The following PREP variants were observed in gnomAD, a reference collection of about 807,000 sequenced individuals.
The protein encoded by PREP is dJ355L5.1 (prolyl endopeptidase).
A neutral mutation model predicts 87.6 loss-of-function variants in PREP; 29 were observed. The ratio of observed to expected loss-of-function variants is 0.33; its 90% CI spans 0.25 to 0.45. The LOEUF (loss-of-function observed/expected upper bound fraction) is 0.45, where lower values mean the gene tolerates loss of function less well. PREP is among the 20% of genes least tolerant of loss of function. The probability of loss-of-function intolerance (pLI) is 1.00; values close to 1 mark genes in which losing one functional copy is unlikely to be tolerated. For missense variants in PREP, 695 were observed against 886.5 expected, an observed-to-expected ratio of 0.78 and a Z score of 2.74; for synonymous variants, 337 against 328.6, an observed-to-expected ratio of 1.03 and a Z score of -0.28.
intron 2 of PREP, among the ~76,000 whole-genome samples, chr6:105,396,975 G>A (rs1300069384): frequency 6.6e-6 from 1 of 152,074 alleles, no homozygotes; most frequent in East Asian, 1.9e-4. Context: ...CTTGAGGCCA[G>A]GAGTTCGAGA....
At chr6:105,292,934 T>C (rs906366659) in intron 10 of PREP, among the ~76,000 whole-genome samples, 1 of 152,220 alleles carries the variant, frequency 6.6e-6, no homozygotes, top group Non-Finnish European at 1.5e-5. Context: ...TCACCTCTCT[T>C]AGTCTTCACA....
intron 7 of PREP, among the ~76,000 whole-genome samples, chr6:105,338,016 T>G (rs931394722): frequency 1.3e-5 from 2 of 152,118 alleles, no homozygotes; most frequent in East Asian, 3.9e-4. Flanking sequence ...AAATCCCCAT[T>G]CCTTAAAAGA....
chr6:105,398,496 C>T (rs148134690), intron 1 of PREP, among the ~76,000 whole-genome samples: 1 of 152,308 alleles, frequency 6.6e-6, no homozygotes, highest in East Asian at 1.9e-4. Flanking sequence ...AATGGCAAAA[C>T]ATTTTAAAAC....
At chr6:105,331,229 G>A (rs1465942256) in intron 8 of PREP, among the ~76,000 whole-genome samples, 1 of 152,074 alleles carries the variant, frequency 6.6e-6, no homozygotes, top group Non-Finnish European at 1.5e-5. Context: ...AAATTGATGA[G>A]TTCTAGTGAA....
chr6:105,383,878 T>C (rs548441256), intron 2 of PREP, among the ~76,000 whole-genome samples: 8 of 152,276 alleles, frequency 5.3e-5, no homozygotes, highest in African/African-American at 1.4e-4. Context: ...AGAGGTGATT[T>C]GCACCTCAAA....
chr6:105,299,231 C>A (rs1770480082), intron 10 of PREP, among the ~76,000 whole-genome samples: 1 of 152,240 alleles, frequency 6.6e-6, no homozygotes, highest in Non-Finnish European at 1.5e-5. Context: ...GAGAGGTTGT[C>A]ACTCCAGGCT....
chr6:105,388,549 T>C (rs913386332), intron 2 of PREP, among the ~76,000 whole-genome samples: 12 of 152,282 alleles, frequency 7.9e-5, no homozygotes, highest in African/African-American at 2.9e-4. Context: ...AGCAACTTCC[T>C]CATACTTTTG....
At chr6:105,319,479 C>T (rs184830404) in intron 10 of PREP, among the ~76,000 whole-genome samples, 2 of 152,300 alleles carry the variant, frequency 1.3e-5, no homozygotes, top group East Asian at 3.9e-4. Flanking sequence ...TGATGAAACA[C>T]TGAGGAATCA....
intron 2 of PREP, among the ~76,000 whole-genome samples, chr6:105,394,032 C>T (rs1243729135): frequency 2.0e-5 from 3 of 151,486 alleles, no homozygotes; most frequent in Admixed American, 1.3e-4. Context: ...CTACAAGTGG[C>T]TAGTGGTTAT....
rs1460277093 is a variant in PREP at position 105,275,268 on chromosome 6, G to C, written c.*2876C>G. On this transcript the variant is annotated 3_prime_UTR_variant, in exon 15 of 15. Coordinates refer to ENST00000652536, the MANE Select transcript of PREP (RefSeq NM_002726.5). ...AAAACTGACAAACCTTGAGAGACTGGTGACAGGCTTCCTTAGTTGAAACTT... is the reference window on the plus strand; with the variant it reads ...AAAACTGACAAACCTTGAGAGACTGCTGACAGGCTTCCTTAGTTGAAACTT... 1.3e-5 allele frequency among the ~76,000 whole-genome samples: 2 copies of C among 152,226 alleles called. No homozygotes were observed. Among genetic ancestry groups the C allele is most frequent in the Non-Finnish European group, 2.9e-5 (2 of 68,034 alleles).
chr6:105,389,036 A>G (rs1048697360), intron 2 of PREP, among the ~76,000 whole-genome samples: 1 of 152,260 alleles, frequency 6.6e-6, no homozygotes, highest in African/African-American at 2.4e-5. Context: ...AGAATTCAAA[A>G]GGAAAATCGA....
intron 9 of PREP, among the ~76,000 whole-genome samples, chr6:105,326,123 T>C (rs1346933802): frequency 1.3e-5 from 2 of 152,212 alleles, no homozygotes; most frequent in Non-Finnish European, 2.9e-5. Flanking sequence ...TTTAACATTA[T>C]TCAAAGAAAA....
chr6:105,329,034 G>A lies in PREP; in HGVS notation c.1016-8C>T, dbSNP rs772987867. 2 of 1,608,872 alleles carry A rather than the reference G, an allele frequency of 1.2e-6. No individual in the cohort carries two copies. The highest frequency in any genetic ancestry group is 1.1e-5 in the South Asian group (1 of 90,860). On this transcript the variant is annotated splice_region_variant and splice_polypyrimidine_tract_variant and intron_variant, in intron 8 of 14. Transcript: ENST00000652536. ...TGACACAAGCTATCCATTCTGAAAGGATAAGAAGAGAAAAAACCTAATGCA... is the reference window on the plus strand; with the variant it reads ...TGACACAAGCTATCCATTCTGAAAGAATAAGAAGAGAAAAAACCTAATGCA...
intron 14 of PREP, 175 bp downstream of exon 14, chr6:105,281,571 G>A: frequency 1.3e-6 from 1 of 771,804 alleles, no homozygotes; most frequent in Non-Finnish European, 1.9e-6. Flanking sequence ...TGTTGCTTTT[G>A]TTCAAGACCA....
rs1583029264 is a variant in PREP at position 105,274,668 on chromosome 6, T to C, written c.*3476A>G. 2.6e-5 allele frequency among the ~76,000 whole-genome samples: 4 copies of C among 152,056 alleles called. No individual in the cohort carries two copies. The highest frequency in any genetic ancestry group is 2.0e-4 in the Admixed American group (3 of 15,274). On this transcript the variant is annotated 3_prime_UTR_variant, in exon 15 of 15. Transcript: ENST00000652536. ...CTGTAATACCAGCTACTGGGAAGGC[T>C]GAGGCAGGAGAATCACGTGAACCCA...
chr6:105,352,939 G>A lies in PREP; in HGVS notation c.823+33C>T, dbSNP rs778154346. On this transcript the variant is annotated intron_variant, in intron 7 of 14. Transcript: ENST00000652536. Reference sequence around the variant, plus strand: ...AATACTTTTTAAATGAAGTTTCTTGGAATAACTATCTGTGTCTGAAAAAAT... The same window carrying A: ...AATACTTTTTAAATGAAGTTTCTTGAAATAACTATCTGTGTCTGAAAAAAT... 14 of 1,539,966 alleles carry A rather than the reference G, an allele frequency of 9.1e-6. No homozygotes were observed. In the South Asian group the frequency reaches 1.0e-4, roughly 11 times the overall value.
At chr6:105,385,715 C>T (rs1029649902) in intron 2 of PREP, among the ~76,000 whole-genome samples, 7 of 152,226 alleles carry the variant, frequency 4.6e-5, no homozygotes, top group African/African-American at 1.7e-4. Flanking sequence ...TAAGCACTTA[C>T]TATGTGCCTG....
intron 10 of PREP, among the ~76,000 whole-genome samples, chr6:105,313,838 C>T (rs572382654): frequency 6.6e-6 from 1 of 152,304 alleles, no homozygotes; most frequent in African/African-American, 2.4e-5. Context: ...AGAAGTCAAC[C>T]AGAGATAAGA....
rs1324344759 is a variant in PREP at position 105,278,770 on chromosome 6, G to C, written c.1839-332C>G. 6.6e-6 allele frequency among the ~76,000 whole-genome samples: 1 copy of C among 151,996 alleles called. No homozygotes were observed. The highest frequency in any genetic ancestry group is 1.5e-5 in the Non-Finnish European group (1 of 68,002). On this transcript the variant is annotated intron_variant, in intron 14 of 14. Transcript: ENST00000652536. The surrounding 1 kb of genome is among the most constrained non-coding windows in gnomAD (Gnocchi z 4.2). The stretch of plus-strand genomic sequence containing the variant: ...GCTTTTTTTTTACTGCTACAAAGTG[G>C]AGTAATAATTGTCATTATAACCACA...
Sources: allele counts gnomAD v4.1 joint callset (sites outside exome capture counted in the v4.1 genomes callset), GRCh38; gene constraint gnomAD v4.1.1; non-coding constraint Gnocchi (gnomAD v3.1); transcripts MANE v1.5; gene names NCBI Gene and HGNC (gene_info 2026-07-23, HGNC 2026-07-21).